The following DPYD variants were observed in gnomAD, a reference collection of about 807,000 sequenced individuals.
The protein encoded by DPYD is dihydropyrimidine dehydrogenase.
A neutral mutation model predicts 116.2 loss-of-function variants in DPYD; 109 were observed. The ratio of observed to expected loss-of-function variants is 0.94; its 90% CI spans 0.80 to 1.10. The LOEUF is 1.10. DPYD is among the 50% of genes least tolerant of loss of function. DPYD has a pLI of 0.00. For missense variants in DPYD, 1,302 were observed against 1,254.5 expected (o/e 1.04, Z -0.57); for synonymous variants, 440 against 432.0 (o/e 1.02, Z -0.23).
At chr1:97,753,567 C>T (rs968998730) in intron 3 of DPYD, among the ~76,000 whole-genome samples, 5 of 152,036 alleles carry the variant, frequency 3.3e-5, no homozygotes, top group Non-Finnish European at 7.4e-5. Flanking sequence ...TAAAACCAAG[C>T]ATAACATAGT....
intron 11 of DPYD, among the ~76,000 whole-genome samples, chr1:97,551,126 G>T (rs1030611008): frequency 6.6e-6 from 1 of 152,132 alleles, no homozygotes; most frequent in East Asian, 1.9e-4. Context: ...GAGTAGATGG[G>T]TCAATGCTAT....
chr1:97,251,269 G>A (rs188978362), intron 18 of DPYD, among the ~76,000 whole-genome samples: 46 of 151,778 alleles, frequency 3.0e-4, no homozygotes, highest in African/African-American at 9.2e-4. Flanking sequence ...GGTGGCAGGC[G>A]CCTCTCCAGC....
chr1:97,517,841 G>C (rs1400330621), intron 12 of DPYD, among the ~76,000 whole-genome samples: 3 of 152,060 alleles, frequency 2.0e-5, no homozygotes, highest in East Asian at 1.9e-4. Context: ...CCATGTGTCT[G>C]TACTTTACAA....
At chr1:97,450,288 G>C in intron 13 of DPYD, 65 bp from the exon 14 acceptor site, 1 of 1,558,666 alleles carries the variant, frequency 6.4e-7, no homozygotes. Flanking sequence ...TTTATTATCT[G>C]CTCATTTCCA....
At chr1:97,675,896 A>C (rs1449197619) in intron 8 of DPYD, among the ~76,000 whole-genome samples, 2 of 151,620 alleles carry the variant, frequency 1.3e-5, no homozygotes, top group Admixed American at 6.6e-5. Context: ...TTACAGGTGC[A>C]CACCACCACA....
intron 10 of DPYD, among the ~76,000 whole-genome samples, chr1:97,578,628 G>C (rs577481857): frequency 6.6e-6 from 1 of 152,114 alleles, no homozygotes; most frequent in Non-Finnish European, 1.5e-5. Flanking sequence ...AATAACAACT[G>C]TAGTATATTT....
At chr1:97,756,348 G>A (rs2101113980) in intron 3 of DPYD, among the ~76,000 whole-genome samples, 1 of 152,256 alleles carries the variant, frequency 6.6e-6, no homozygotes, top group Non-Finnish European at 1.5e-5. Context: ...GCGCAGGGTG[G>A]TGGGAGCAGG....
chr1:97,484,070 C>T lies in DPYD; in HGVS notation c.1740+31656G>A, dbSNP rs149859471. ...CTGTAATCACAGCACTTTGGGAGGA[C>T]GAGGTGGGCAGATCACCTGAGGTCA... is the stretch of plus-strand genomic sequence containing the variant. On this transcript the variant is annotated intron_variant, in intron 13 of 22. Transcript: ENST00000370192. Among the ~76,000 whole-genome samples, 1,467 of 152,144 alleles carry T rather than the reference C, an allele frequency of 9.6e-3. 23 individuals carry two copies. The highest frequency in any genetic ancestry group is 0.032 in the African/African-American group (1,345 of 41,506).
At chr1:97,364,305 T>C (rs934328736) in intron 16 of DPYD, among the ~76,000 whole-genome samples, 6 of 152,218 alleles carry the variant, frequency 3.9e-5, no homozygotes, top group African/African-American at 1.4e-4. Flanking sequence ...TCTTTTCTGA[T>C]GAATCATGAA....
intron 12 of DPYD, 133 bp downstream of exon 12, chr1:97,549,427 A>C: frequency 9.7e-7 from 1 of 1,029,284 alleles, no homozygotes; most frequent in Non-Finnish European, 1.4e-6. Context: ...TTTGTATCCA[A>C]GTATGTACGT....
intron 1 of DPYD, among the ~76,000 whole-genome samples, chr1:97,900,745 C>T (rs904190372): frequency 1.3e-5 from 2 of 151,702 alleles, no homozygotes; most frequent in African/African-American, 4.8e-5. Context: ...TGCTCCTTTG[C>T]AAACTGTTTT....
chr1:97,150,231 T>C (rs777437099), intron 20 of DPYD, among the ~76,000 whole-genome samples: 6 of 151,738 alleles, frequency 4.0e-5, no homozygotes, highest in Non-Finnish European at 8.8e-5. Flanking sequence ...TAAGCATGCC[T>C]TTTCCTCCTG....
At chr1:97,116,767 G>C (rs1252397568) in intron 20 of DPYD, among the ~76,000 whole-genome samples, 1 of 151,962 alleles carries the variant, frequency 6.6e-6, no homozygotes, top group South Asian at 2.1e-4. Context: ...TTTTCTCACA[G>C]GATTAATTTT....
At chr1:97,094,808 G>A (rs533042398) in intron 21 of DPYD, among the ~76,000 whole-genome samples, 1 of 152,110 alleles carries the variant, frequency 6.6e-6, no homozygotes, top group South Asian at 2.1e-4. Context: ...AGGAAGCAGA[G>A]AGGTGAATAC....
At chr1:97,460,139 C>A (rs1676933574) in intron 13 of DPYD, among the ~76,000 whole-genome samples, 1 of 151,918 alleles carries the variant, frequency 6.6e-6, no homozygotes, top group African/African-American at 2.4e-5. Flanking sequence ...TGAAAACAAA[C>A]TTATTAAGCA....
intron 14 of DPYD, among the ~76,000 whole-genome samples, chr1:97,405,770 GC>G (rs1212512556): frequency 1.3e-5 from 2 of 152,086 alleles, no homozygotes; most frequent in Non-Finnish European, 2.9e-5. Context: ...ACCCATCTTG[GC>G]CTCCCAAAGC....
intron 6 of DPYD, among the ~76,000 whole-genome samples, chr1:97,697,969 CA>C (rs1369602285): frequency 6.6e-6 from 1 of 151,888 alleles, no homozygotes; most frequent in Non-Finnish European, 1.5e-5. Context: ...TAACTGAAAA[CA>C]ACATACAATG....
chr1:97,909,671 C>T (rs770032259), intron 1 of DPYD, among the ~76,000 whole-genome samples: 1 of 152,084 alleles, frequency 6.6e-6, no homozygotes. Flanking sequence ...ATCCTTCCTC[C>T]TCCCTTGGTT....
chr1:97,478,650 T>C (rs1231949634), intron 13 of DPYD, among the ~76,000 whole-genome samples: 2 of 152,146 alleles, frequency 1.3e-5, no homozygotes, highest in East Asian at 3.9e-4. Flanking sequence ...GGCTTCAACT[T>C]AGAGTCATCA....
Sources: allele counts gnomAD v4.1 joint callset (sites outside exome capture counted in the v4.1 genomes callset), GRCh38; gene constraint gnomAD v4.1.1; transcripts MANE v1.5; gene names NCBI Gene and HGNC (gene_info 2026-07-23, HGNC 2026-07-21).